Variants in LRCH2 observed in about 807,000 individuals in gnomAD.
LRCH2 encodes the protein leucine-rich repeat and calponin homology domain-containing protein 2.
Under a neutral mutation model 68.9 loss-of-function variants are expected in LRCH2, and 38 were observed. That is an observed-to-expected ratio of 0.55 (90% CI 0.43 to 0.72). LRCH2 has a LOEUF of 0.72. LRCH2 is among the 30% of genes least tolerant of loss of function. The pLI is 0.00. For synonymous variants in LRCH2, 191 were observed against 208.1 expected, an observed-to-expected ratio of 0.92 and a Z score of 0.71; for missense variants, 528 against 572.9, an observed-to-expected ratio of 0.92 and a Z score of 0.80.
chrX:115,139,015 A>T (rs1339910776), intron 14 of LRCH2: 1 of 112,343 alleles, frequency 8.9e-6, no homozygotes, highest in East Asian at 2.8e-4. Flanking sequence ...ATATACATAT[A>T]CATATACATA....
rs377500680 is a variant in LRCH2 at position 115,163,775 on chromosome X, T to G, written c.1364A>C (p.Lys455Thr). 1.9e-4 allele frequency: 222 copies of G among 1,180,865 alleles called. No homozygotes were observed. The highest frequency in any genetic ancestry group is 4.3e-4 in the Admixed American group (19 of 43,959). The change falls in exon 11 of 21, where the codon AAA becomes ACA. Residue 455 changes from lysine (K) to threonine (T), a missense_variant. Transcript: ENST00000317135. ...CTCTTCCTCTGCCAGTAACTGTTCT[T>G]TCTCAAGTCTGAAAGGTGACACAAA... ...EELGDEKRLE[K>T]EQLLAEEEDD...
At chrX:115,114,385 A>C (rs2072065788) in intron 20 of LRCH2, among the ~76,000 whole-genome samples, 1 of 111,300 alleles carries the variant, frequency 9.0e-6, no homozygotes, top group Non-Finnish European at 1.9e-5. Flanking sequence ...TATGCTAGAA[A>C]AGAAGGAAGG....
intron 11 of LRCH2, among the ~76,000 whole-genome samples, chrX:115,158,580 T>C (rs1169456914): frequency 4.5e-5 from 5 of 112,194 alleles, no homozygotes; most frequent in Non-Finnish European, 7.5e-5. Flanking sequence ...ATACTTTAAT[T>C]ATAACTTTTC....
intron 20 of LRCH2, among the ~76,000 whole-genome samples, chrX:115,117,755 A>G (rs1039041240): frequency 9.9e-5 from 11 of 111,529 alleles, no homozygotes; most frequent in African/African-American, 3.6e-4. Context: ...CTAATCTGCA[A>G]TGACAGAAAG....
chrX:115,227,825 T>C (rs1556576945), intron 1 of LRCH2, among the ~76,000 whole-genome samples: 1 of 110,393 alleles, frequency 9.1e-6, no homozygotes, highest in African/African-American at 3.3e-5. Context: ...TACCTGTCTC[T>C]TGTCACCTTG....
intron 14 of LRCH2, among the ~76,000 whole-genome samples, chrX:115,139,786 C>A (rs1234825205): frequency 1.8e-5 from 2 of 111,389 alleles, no homozygotes; most frequent in African/African-American, 6.5e-5. Context: ...AGCACCCAGG[C>A]ATGGCGGGAG....
At chrX:115,190,131 G>A (rs1556556834) in intron 1 of LRCH2, 5 of 1,160,643 alleles carry the variant, frequency 4.3e-6, no homozygotes, top group Admixed American at 5.2e-5. Flanking sequence ...CCGTGTGGGG[G>A]CAAGATGGCT....
chrX:115,233,718 G>A lies in LRCH2; in HGVS notation c.324C>T (p.Tyr108=), dbSNP rs1445591001. The change falls in exon 1 of 21, where the codon TAC becomes TAT. Residue 108 remains tyrosine (Y), a synonymous_variant. Coordinates refer to ENST00000317135, the MANE Select transcript of LRCH2 (RefSeq NM_020871.4). ...CTGCTTGGGTGGTGTCCGTCAGGTC[G>A]TAGCCGCTGCCCGGGAAGTCTCGGA... ...RKLRDFPGSG[Y]DLTDTTQADL... 6 of 1,170,792 alleles carry A rather than the reference G, an allele frequency of 5.1e-6. No individual in the cohort carries two copies. The African/African-American group carries it at 8.9e-5, about 17-fold the overall frequency.
chrX:115,137,167 C>T (rs1252616654), intron 14 of LRCH2, among the ~76,000 whole-genome samples: 2 of 111,241 alleles, frequency 1.8e-5, no homozygotes, highest in Admixed American at 9.7e-5. Context: ...AATTATCCAA[C>T]GGCTGAGAAA....
chrX:115,124,545 A>G (rs1471036043), intron 16 of LRCH2, among the ~76,000 whole-genome samples: 2 of 112,406 alleles, frequency 1.8e-5, no homozygotes, highest in Non-Finnish European at 3.8e-5. Flanking sequence ...AAATCTGAAG[A>G]TGGAGTTAGA....
At chrX:115,123,260 G>C in intron 17 of LRCH2, 68 bp from the exon 18 acceptor site, 1 of 746,520 alleles carries the variant, frequency 1.3e-6, no homozygotes, top group Non-Finnish European at 2.0e-6. Flanking sequence ...GATGGGGAAA[G>C]AGGCATGATG....
chrX:115,233,938 G>GC lies in LRCH2; in HGVS notation c.103dup (p.Ala35GlyfsTer95), dbSNP rs1569518558. 1.9e-6 allele frequency: 2 copies of GC among 1,056,425 alleles called. No individual in the cohort carries two copies. The allele number at this position is 1,056,425 out of a possible 1,213,427, so 87.1% of individuals were successfully genotyped here. On this transcript the variant is annotated frameshift_variant, in exon 1 of 21. Coordinates refer to ENST00000317135, the MANE Select transcript of LRCH2 (RefSeq NM_020871.4). LOFTEE classifies it high-confidence loss of function. ...GCCGCCGCCGCCGCCTCCCCCTCCA[G>GC]CCCCGCCACCTCCCCCTCCAGCCGT...
chrX:115,210,044 A>G (rs2072995742), intron 1 of LRCH2, among the ~76,000 whole-genome samples: 2 of 111,895 alleles, frequency 1.8e-5, no homozygotes, highest in Admixed American at 9.5e-5. Context: ...GAAACAGCAT[A>G]AAAGTTTGGA....
Position 115,130,056 on chromosome X carries a change from A to G in LRCH2, c.1740+99T>C, listed in dbSNP as rs1357341510. On this transcript the variant is annotated intron_variant, in intron 15 of 20. Transcript: ENST00000317135. Reference sequence around the variant, plus strand: ...AAAAAAACCATGCATTAAATCAATAACAAAGAAACTGAAAAATGGATTACA... The same window carrying G: ...AAAAAAACCATGCATTAAATCAATAGCAAAGAAACTGAAAAATGGATTACA... The G allele has an allele frequency of 1.2e-5, 5 of 430,503 alleles. No homozygotes were observed. In the African/African-American group the frequency reaches 1.3e-4, roughly 11 times the overall value. 35.5% of individuals were successfully genotyped at this position (430,503 alleles called of 1,213,427 possible).
In LRCH2 at chrX:115,139,094, G is replaced by A. The variant is rs781829061; in HGVS notation, c.1696-8895C>T. The A allele has an allele frequency of 6.3e-5, 7 of 111,948 alleles. No individual in the cohort carries two copies. The South Asian group carries it at 1.1e-3, about 18-fold the overall frequency. 9.2% of individuals were successfully genotyped at this position (111,948 alleles called of 1,213,427 possible). On this transcript the variant is annotated intron_variant, in intron 14 of 20. Transcript: ENST00000317135. ...ACAAATGTGTAATTGTGAGCAATTC[G>A]TTGTAAACACCATTGAATTCGGACT...
At chrX:115,155,291 T>G (rs942571838) in intron 12 of LRCH2, among the ~76,000 whole-genome samples, 1 of 109,568 alleles carries the variant, frequency 9.1e-6, no homozygotes, top group Non-Finnish European at 1.9e-5. Flanking sequence ...GGGTGGGGTG[T>G]GCTCACCCAC....
intron 1 of LRCH2, among the ~76,000 whole-genome samples, chrX:115,211,771 G>A (rs961084301): frequency 1.8e-5 from 2 of 108,748 alleles, no homozygotes; most frequent in Non-Finnish European, 1.9e-5. Flanking sequence ...ACCCCCCCAA[G>A]ATTGCTTCTT....
intron 1 of LRCH2, among the ~76,000 whole-genome samples, chrX:115,229,084 TAA>T (rs1251028538): frequency 9.0e-6 from 1 of 111,444 alleles, no homozygotes; most frequent in Admixed American, 9.6e-5. Context: ...TCTAAAACCA[TAA>T]GAGAGGCATG....
rs188685037 is a variant in LRCH2 at position 115,199,983 on chromosome X, A to C, written c.350-11613T>G. ...AGTGGAATAAATAGAAATCAATACAAAAAGGAACTTCAGAAACGATACAAA... is the reference window on the plus strand; with the variant it reads ...AGTGGAATAAATAGAAATCAATACACAAAGGAACTTCAGAAACGATACAAA... On this transcript the variant is annotated intron_variant, in intron 1 of 20. Transcript: ENST00000317135. Among the ~76,000 whole-genome samples, 620 of 112,412 alleles carry C rather than the reference A, an allele frequency of 5.5e-3. 6 individuals carry two copies. Among genetic ancestry groups the C allele is most frequent in the African/African-American group, 0.019 (578 of 31,000 alleles).
Sources: gnomAD v4.1 joint callset for allele counts (sites outside exome capture counted in the v4.1 genomes callset) on GRCh38, gnomAD v4.1.1 for gene constraint, MANE v1.5 for transcripts, NCBI Gene and HGNC (gene_info 2026-07-23, HGNC 2026-07-21) for gene names.